Variants in ZC3H13 observed in about 807,000 individuals in gnomAD.
The protein encoded by ZC3H13 is zinc finger CCCH-type containing 13.
ZC3H13 carries 64 observed loss-of-function variants against 204.1 expected under a neutral mutation model. The observed-to-expected ratio is 0.31, with a 90% CI of 0.26 to 0.39. ZC3H13 has a LOEUF of 0.39. Ranked by LOEUF, ZC3H13 falls within the 10% of genes least tolerant of loss-of-function variation. The probability of loss-of-function intolerance (pLI) is 1.00; values close to 1 mark genes in which losing one functional copy is unlikely to be tolerated. For synonymous variants in ZC3H13, 667 were observed against 693.7 expected, an observed-to-expected ratio of 0.96 and a Z score of 0.60; for missense variants, 1,833 against 2,082.7, an observed-to-expected ratio of 0.88 and a Z score of 2.33.
chr13:46,029,696 G>A (rs534614370), intron 4 of ZC3H13, among the ~76,000 whole-genome samples: 3 of 151,688 alleles, frequency 2.0e-5, no homozygotes, highest in Non-Finnish European at 4.4e-5. Flanking sequence ...CCAAAGTGCT[G>A]GGATTACAGG....
At chr13:46,043,151 CTT>C (rs2043705059) in intron 3 of ZC3H13, among the ~76,000 whole-genome samples, 1 of 151,904 alleles carries the variant, frequency 6.6e-6, no homozygotes, top group South Asian at 2.1e-4. Flanking sequence ...CTCTGTTCCT[CTT>C]TGACTACCAA....
chr13:46,010,187 A>G lies in ZC3H13; in HGVS notation c.746+161T>C, dbSNP rs564009865. On this transcript the variant is annotated intron_variant, in intron 7 of 18. Coordinates refer to ENST00000679008, the MANE Select transcript of ZC3H13 (RefSeq NM_001330564.2). ...AGATGTTTGTTTTATTGTTCTCTAT[A>G]ATTGTCTTTTTAATTGAAACATTTC... is the stretch of plus-strand genomic sequence containing the variant. The G allele has an allele frequency of 4.0e-5, 26 of 644,734 alleles. No individual in the cohort carries two copies. The African/African-American group carries it at 4.4e-4, about 11-fold the overall frequency. The allele number at this position is 644,734 out of a possible 1,614,324, so 39.9% of individuals were successfully genotyped here.
chr13:46,050,225 GAGAAACTTAGAATAAC>G (rs2044303563), intron 1 of ZC3H13, among the ~76,000 whole-genome samples: 1 of 151,944 alleles, frequency 6.6e-6, no homozygotes, highest in Non-Finnish European at 1.5e-5. Flanking sequence ...CCCTTGCCCC[GAGAAACTTAGAATAAC>G]ACTGTACTCA....
intron 5 of ZC3H13, among the ~76,000 whole-genome samples, chr13:46,016,764 A>C (rs188204926): frequency 6.6e-6 from 1 of 152,326 alleles, no homozygotes; most frequent in Admixed American, 6.5e-5. Context: ...AAGAAAGATT[A>C]TTCTTGCTTT....
At chr13:46,028,306 A>G (rs960059102) in intron 4 of ZC3H13, among the ~76,000 whole-genome samples, 18 of 152,228 alleles carry the variant, frequency 1.2e-4, no homozygotes, top group African/African-American at 4.3e-4. Context: ...TGACCCTACC[A>G]TCAAAGCATC....
chr13:45,990,133 G>C (rs909680828), intron 8 of ZC3H13, among the ~76,000 whole-genome samples: 1 of 151,936 alleles, frequency 6.6e-6, no homozygotes, highest in Non-Finnish European at 1.5e-5. Flanking sequence ...TTCGGAGGAG[G>C]GGGAGTGTCT....
At chr13:45,957,722 T>C (rs763018336) in intron 18 of ZC3H13, among the ~76,000 whole-genome samples, 3 of 152,234 alleles carry the variant, frequency 2.0e-5, no homozygotes, top group Non-Finnish European at 2.9e-5. Flanking sequence ...TTCAGTTCTA[T>C]GAAGGTAAGT....
intron 7 of ZC3H13, 120 bp from the exon 8 acceptor site, chr13:46,003,456 A>G: frequency 3.7e-6 from 3 of 809,784 alleles, no homozygotes; most frequent in Non-Finnish European, 5.6e-6. Flanking sequence ...TTTGTATACT[A>G]CTAACCAATA....
intron 1 of ZC3H13, chr13:46,051,917 G>C (rs1340567492): frequency 6.9e-6 from 1 of 145,690 alleles, no homozygotes; most frequent in Non-Finnish European, 1.5e-5. Context: ...TCTGACAGTT[G>C]CCAAAACTAC....
In ZC3H13 at chr13:45,959,578, T is replaced by C; in HGVS notation, c.4744A>G (p.Arg1582Gly). The C allele has an allele frequency of 6.5e-7, 1 of 1,549,404 alleles. No homozygotes were observed. Residue 1582 changes from arginine (R) to glycine (G), a missense_variant, in exon 18 of 19, where the codon AGA (arginine) becomes GGA (glycine). Transcript: ENST00000679008. ...CCAAGATTACTAAGAAGACTTGCTC[T>C]TTCTTCTTTTCGTAGTAATGCAGCC... ...NMAALLRKEE[R>G]ASLLSNLGPC...
chr13:45,957,380 A>T (rs989343844), intron 18 of ZC3H13, 83 bp from the exon 19 acceptor site: 68 of 1,194,634 alleles, frequency 5.7e-5, no homozygotes, highest in Admixed American at 1.1e-4. Context: ...TCTACCCAAA[A>T]TATCAAAGTT....
chr13:46,004,243 C>T (rs964241623), intron 7 of ZC3H13, among the ~76,000 whole-genome samples: 2 of 151,852 alleles, frequency 1.3e-5, no homozygotes, highest in African/African-American at 4.8e-5. Context: ...GAGCATCTTT[C>T]TGTAACAAAA....
In ZC3H13 at chr13:45,970,400, G is replaced by C; in HGVS notation, c.2534C>G (p.Ser845Cys). The C allele has an allele frequency of 6.2e-7, 1 of 1,613,978 alleles. No individual in the cohort carries two copies. Among genetic ancestry groups the C allele is most frequent in the South Asian group, 1.1e-5 (1 of 91,080 alleles). The change falls in exon 13 of 19, where the codon TCT becomes TGT. Residue 845 changes from serine (S) to cysteine (C), a missense_variant. By Grantham distance (112) the Ser-to-Cys change is moderately radical. Transcript: ENST00000679008. The part of the protein sequence containing the change: ...RQSPKRRREH[S>C]PDSDAYNSGD... The stretch of plus-strand genomic sequence containing the variant: ...ACTGTTGTAGGCATCACTGTCCGGA[G>C]AATGTTCACGCCGGCGCTTCGGGGA...
chr13:46,002,781 A>C (rs780206055), intron 8 of ZC3H13, among the ~76,000 whole-genome samples: 4 of 152,158 alleles, frequency 2.6e-5, no homozygotes, highest in Non-Finnish European at 5.9e-5. Flanking sequence ...GGAAAGGGGG[A>C]GTTATTTTTT....
intron 1 of ZC3H13, among the ~76,000 whole-genome samples, chr13:46,048,696 T>C (rs186972941): frequency 1.4e-3 from 214 of 149,462 alleles, no homozygotes; most frequent in African/African-American, 5.1e-3. Flanking sequence ...CCTACGCCCA[T>C]ATTCTTTCCA....
At chr13:46,004,062 T>C (rs547918201) in intron 7 of ZC3H13, among the ~76,000 whole-genome samples, 6 of 152,300 alleles carry the variant, frequency 3.9e-5, no homozygotes, top group South Asian at 2.1e-4. Context: ...AGGCAACTTA[T>C]AGAATGCGAG....
At chr13:46,012,776 T>C (rs552830556) in intron 5 of ZC3H13, among the ~76,000 whole-genome samples, 21 of 152,200 alleles carry the variant, frequency 1.4e-4, no homozygotes, top group African/African-American at 5.1e-4. Context: ...GACACTGAAT[T>C]TAATTAAGTG....
intron 4 of ZC3H13, among the ~76,000 whole-genome samples, chr13:46,041,808 T>G (rs1441986956): frequency 6.6e-6 from 1 of 152,160 alleles, no homozygotes; most frequent in African/African-American, 2.4e-5. Context: ...AGTGTTCTAC[T>G]GCAAGCCACT....
intron 1 of ZC3H13, among the ~76,000 whole-genome samples, chr13:46,047,862 CT>C (rs1424648514): frequency 6.6e-6 from 1 of 150,586 alleles, no homozygotes; most frequent in African/African-American, 2.5e-5. Flanking sequence ...CCAAAATTTC[CT>C]TATTTGCTAG....
Sources: gnomAD v4.1 joint callset for allele counts (sites outside exome capture counted in the v4.1 genomes callset) on GRCh38, gnomAD v4.1.1 for gene constraint, MANE v1.5 for transcripts, NCBI Gene and HGNC (gene_info 2026-07-23, HGNC 2026-07-21) for gene names.